FBXL7: variants seen among roughly 807,000 people sequenced by gnomAD.
FBXL7 encodes the protein F-box/LRR-repeat protein 7.
Under a neutral mutation model 38.3 loss-of-function variants are expected in FBXL7, and 12 were observed. The observed-to-expected ratio is 0.31, with a 90% CI of 0.20 to 0.51. The LOEUF is 0.51. Among genes scored for constraint, FBXL7 ranks in the 20% least tolerant of loss-of-function variants. FBXL7 has a pLI of 0.98. For missense variants in FBXL7, 567 were observed against 676.4 expected (o/e 0.84, Z 1.79); for synonymous variants, 297 against 300.9 (o/e 0.99, Z 0.13).
intron 1 of FBXL7, among the ~76,000 whole-genome samples, chr5:15,522,327 G>T (rs1283252201): frequency 6.6e-6 from 1 of 152,114 alleles, no homozygotes; most frequent in Non-Finnish European, 1.5e-5. Flanking sequence ...GTATGTATTT[G>T]ATGGGTGTTT....
intron 2 of FBXL7, among the ~76,000 whole-genome samples, chr5:15,744,340 G>C (rs6864590): frequency 3.3e-4 from 50 of 152,270 alleles, no homozygotes; most frequent in African/African-American, 1.1e-3. Flanking sequence ...GATCTCTGGA[G>C]CAGGGACAAA....
chr5:15,797,129 A>G (rs1737436606), intron 2 of FBXL7, among the ~76,000 whole-genome samples: 1 of 152,236 alleles, frequency 6.6e-6, no homozygotes, highest in Non-Finnish European at 1.5e-5. Context: ...GGCTCTTGCT[A>G]TGTGTATAGC....
chr5:15,919,150 A>G (rs1293734012), intron 2 of FBXL7, among the ~76,000 whole-genome samples: 2 of 152,224 alleles, frequency 1.3e-5, no homozygotes, highest in East Asian at 1.9e-4. Context: ...AATAGAAAGC[A>G]TCTTGCACAA....
At chr5:15,553,619 G>A (rs1417025396) in intron 1 of FBXL7, among the ~76,000 whole-genome samples, 2 of 152,120 alleles carry the variant, frequency 1.3e-5, no homozygotes, top group African/African-American at 4.8e-5. Context: ...ATAAATCTCT[G>A]TTTTACAGAT....
In FBXL7 at chr5:15,638,008, A is replaced by G. The variant is rs535629654; in HGVS notation, c.127+21936A>G. Among the ~76,000 whole-genome samples, 10 of 152,370 alleles carry G rather than the reference A, an allele frequency of 6.6e-5. No homozygotes were observed. In the East Asian group the frequency reaches 7.7e-4, roughly 12 times the overall value. The stretch of plus-strand genomic sequence containing the variant: ...ACCTGTTAAGTCTGATTCATTATTC[A>G]GCTAACCTAGTTTAACACCTCCCCT... On this transcript the variant is annotated intron_variant, in intron 2 of 3. Transcript: ENST00000504595.
At chr5:15,869,390 C>A (rs1739855061) in intron 2 of FBXL7, among the ~76,000 whole-genome samples, 1 of 152,144 alleles carries the variant, frequency 6.6e-6, no homozygotes, top group Non-Finnish European at 1.5e-5. Context: ...ACAAACACTG[C>A]TTTAATGTTG....
chr5:15,827,268 G>T (rs968281601), intron 2 of FBXL7, among the ~76,000 whole-genome samples: 1 of 150,794 alleles, frequency 6.6e-6, no homozygotes, highest in Non-Finnish European at 1.5e-5. Flanking sequence ...GTTTTTTTTC[G>T]ATCTCTGCCT....
intron 2 of FBXL7, among the ~76,000 whole-genome samples, chr5:15,835,647 T>A (rs1465241023): frequency 6.6e-6 from 1 of 152,130 alleles, no homozygotes; most frequent in East Asian, 1.9e-4. Flanking sequence ...AGTCACGCAG[T>A]ATAGAACATG....
intron 1 of FBXL7, among the ~76,000 whole-genome samples, chr5:15,547,384 C>A (rs991960700): frequency 6.6e-6 from 1 of 152,172 alleles, no homozygotes; most frequent in Non-Finnish European, 1.5e-5. Context: ...AGCAGGAGTC[C>A]GTGACAGATG....
intron 2 of FBXL7, among the ~76,000 whole-genome samples, chr5:15,701,776 G>A (rs1743532047): frequency 6.6e-6 from 1 of 152,142 alleles, no homozygotes; most frequent in Non-Finnish European, 1.5e-5. Flanking sequence ...ATCTATAATT[G>A]TAAAGATAAA....
At chr5:15,790,360 C>A (rs115322877) in intron 2 of FBXL7, among the ~76,000 whole-genome samples, 1 of 152,044 alleles carries the variant, frequency 6.6e-6, no homozygotes, top group East Asian at 1.9e-4. Context: ...CCTTGTTCAA[C>A]CTCTTTGTGA....
intron 2 of FBXL7, among the ~76,000 whole-genome samples, chr5:15,875,865 C>G (rs1254551797): frequency 6.6e-6 from 1 of 152,078 alleles, no homozygotes; most frequent in Non-Finnish European, 1.5e-5. Flanking sequence ...GGATCTAGAA[C>G]TAGAAATACC....
intron 3 of FBXL7, among the ~76,000 whole-genome samples, chr5:15,932,330 C>A (rs1310281904): frequency 6.6e-6 from 1 of 152,156 alleles, no homozygotes; most frequent in East Asian, 1.9e-4. Flanking sequence ...TTGTTATTAA[C>A]CTGCCTGGAA....
At chr5:15,695,181 A>G (rs1177542349) in intron 2 of FBXL7, among the ~76,000 whole-genome samples, 1 of 152,130 alleles carries the variant, frequency 6.6e-6, no homozygotes, top group Non-Finnish European at 1.5e-5. Flanking sequence ...TGAACTTTGC[A>G]AATGACTTCA....
intron 2 of FBXL7, among the ~76,000 whole-genome samples, chr5:15,739,159 C>T (rs992926261): frequency 6.6e-6 from 1 of 152,186 alleles, no homozygotes; most frequent in Non-Finnish European, 1.5e-5. Flanking sequence ...TCCACTTCAG[C>T]TTCCTCTGAG....
At position 15,700,568 on chromosome 5, in the gene FBXL7, C is replaced by T. The variant is rs75130428; in HGVS notation, c.127+84496C>T. 2.6e-3 allele frequency among the ~76,000 whole-genome samples: 391 copies of T among 152,298 alleles called. 4 individuals carry two copies. Among genetic ancestry groups the T allele is most frequent in the African/African-American group, 8.9e-3 (370 of 41,560 alleles). Reference sequence around the variant, plus strand: ...CCTTCATGTGTCTTACAAACTATAGCTTTCTCTTTAGCCCTTTCCTCAGCA... The same window carrying T: ...CCTTCATGTGTCTTACAAACTATAGTTTTCTCTTTAGCCCTTTCCTCAGCA... On this transcript the variant is annotated intron_variant, in intron 2 of 3. Coordinates refer to ENST00000504595, the MANE Select transcript of FBXL7 (RefSeq NM_012304.5).
At chr5:15,894,478 AG>A (rs762786071) in intron 2 of FBXL7, among the ~76,000 whole-genome samples, 7 of 152,224 alleles carry the variant, frequency 4.6e-5, no homozygotes, top group Non-Finnish European at 8.8e-5. Flanking sequence ...AAGCACAAAC[AG>A]TAAATTTCAG....
chr5:15,877,122 C>T (rs1740244030), intron 2 of FBXL7, among the ~76,000 whole-genome samples: 1 of 152,218 alleles, frequency 6.6e-6, no homozygotes, highest in African/African-American at 2.4e-5. Flanking sequence ...CCCCAGCACA[C>T]AGCATCCCAT....
intron 2 of FBXL7, among the ~76,000 whole-genome samples, chr5:15,863,123 A>C (rs1384240629): frequency 6.6e-6 from 1 of 152,188 alleles, no homozygotes; most frequent in Non-Finnish European, 1.5e-5. Flanking sequence ...AAAATTTCCC[A>C]AAGGGCACTG....
Sources: allele counts gnomAD v4.1 joint callset (sites outside exome capture counted in the v4.1 genomes callset), GRCh38; gene constraint gnomAD v4.1.1; transcripts MANE v1.5; gene names NCBI Gene and HGNC (gene_info 2026-07-23, HGNC 2026-07-21).